The following WNT3A variants were observed in gnomAD, a reference collection of about 807,000 sequenced individuals.
WNT3A encodes the protein Wnt family member 3A, also known as protein Wnt-3a.
Under a neutral mutation model 37.0 loss-of-function variants are expected in WNT3A, and 17 were observed. The observed-to-expected ratio is 0.46, with a 90% CI of 0.31 to 0.69. The LOEUF (loss-of-function observed/expected upper bound fraction) is 0.69. Ranked by LOEUF, WNT3A falls within the 30% of genes least tolerant of loss-of-function variation. The probability of loss-of-function intolerance (pLI) is 0.05; values close to 1 mark genes in which losing one functional copy is unlikely to be tolerated. For missense variants in WNT3A, 411 were observed against 510.2 expected (o/e 0.81, Z 1.87); for synonymous variants, 187 against 211.0 (o/e 0.89, Z 0.99).
chr1:228,020,841 G>A (rs745901759), intron 1 of WNT3A, among the ~76,000 whole-genome samples: 2 of 152,088 alleles, frequency 1.3e-5, no homozygotes, highest in Non-Finnish European at 2.9e-5. Flanking sequence ...CAGGAGGGAG[G>A]GTGACTAGGG....
At position 228,037,696 on chromosome 1, in the gene WNT3A, G is replaced by C. The variant is rs1054412702; in HGVS notation, c.314-12960G>C. Among the ~76,000 whole-genome samples, 2 of 152,152 alleles carry C rather than the reference G, an allele frequency of 1.3e-5. No homozygotes were observed. Among genetic ancestry groups the C allele is most frequent in the Admixed American group, 1.3e-4 (2 of 15,292 alleles). The stretch of plus-strand genomic sequence containing the variant: ...GGTGGGGGGCTCCCCTGGCTCCAGC[G>C]GCCTCTCTGGTATATCATTAACTCT... On this transcript the variant is annotated intron_variant, in intron 2 of 3. Coordinates refer to ENST00000284523, the MANE Select transcript of WNT3A (RefSeq NM_033131.4). This position sits in a 1 kb window ranked among gnomAD's most constrained non-coding sequence, Gnocchi z 4.1.
chr1:228,060,109 T>C lies in WNT3A; in HGVS notation c.*644T>C, dbSNP rs1460645075. On this transcript the variant is annotated 3_prime_UTR_variant, in exon 4 of 4. Coordinates refer to ENST00000284523, the MANE Select transcript of WNT3A (RefSeq NM_033131.4). Reference sequence around the variant, plus strand: ...GGCTCCTTCCTGTGGGTGGGGCTTCTCTGGGACCAGGCTCCAATGGGGCGG... The same window carrying C: ...GGCTCCTTCCTGTGGGTGGGGCTTCCCTGGGACCAGGCTCCAATGGGGCGG... The C allele has an allele frequency of 1.5e-6, 2 of 1,292,460 alleles. No homozygotes were observed. Among genetic ancestry groups the C allele is most frequent in the Non-Finnish European group, 2.0e-6 (2 of 991,794 alleles). 80.1% of individuals were successfully genotyped at this position (1,292,460 alleles called of 1,614,324 possible). A position where few individuals can be genotyped will look rare whatever the true frequency, so the allele number is the denominator to read the frequency against.
chr1:228,060,412 G>A lies in WNT3A; in HGVS notation c.*947G>A, dbSNP rs577773195. ...CGACGCCTGTGCCACCCCTTCCTCAGCCTGGGGTTTGACCACCCACCTGAC... is the reference window on the plus strand; with the variant it reads ...CGACGCCTGTGCCACCCCTTCCTCAACCTGGGGTTTGACCACCCACCTGAC... On this transcript the variant is annotated 3_prime_UTR_variant, in exon 4 of 4. Transcript: ENST00000284523. The A allele has an allele frequency of 7.2e-4, 632 of 878,532 alleles. 15 individuals carry two copies. The South Asian group carries it at 8.8e-3, about 12-fold the overall frequency. 54.4% of individuals were successfully genotyped at this position (878,532 alleles called of 1,614,324 possible).
intron 2 of WNT3A, among the ~76,000 whole-genome samples, chr1:228,026,169 C>T (rs906744620): frequency 6.6e-6 from 1 of 151,768 alleles, no homozygotes; most frequent in African/African-American, 2.4e-5. Context: ...TCAACTGTAA[C>T]CCTGCTTAAT....
At chr1:228,057,480 C>A (rs1229553218) in intron 3 of WNT3A, among the ~76,000 whole-genome samples, 1 of 152,074 alleles carries the variant, frequency 6.6e-6, no homozygotes, top group Non-Finnish European at 1.5e-5. Context: ...CAAGTAAGCA[C>A]CTATATAACT....
chr1:228,046,372 T>G (rs1009416624), intron 2 of WNT3A, among the ~76,000 whole-genome samples: 2 of 151,744 alleles, frequency 1.3e-5, no homozygotes, highest in African/African-American at 4.8e-5. Flanking sequence ...GTTGTGAATG[T>G]ATATGTGCAT....
At chr1:228,055,165 AAAAAAAAAAAAAAAATAT>A (rs1558296004) in intron 3 of WNT3A, among the ~76,000 whole-genome samples, 1 of 56,424 alleles carries the variant, frequency 1.8e-5, no homozygotes, top group Non-Finnish European at 3.1e-5. Flanking sequence ...TCCCAAAAAA[AAAAAAAAAAAAAAAATAT>A]ATATATATAT....
At chr1:228,018,940 C>T (rs1230973844) in intron 1 of WNT3A, among the ~76,000 whole-genome samples, 1 of 152,182 alleles carries the variant, frequency 6.6e-6, no homozygotes, top group Non-Finnish European at 1.5e-5. Flanking sequence ...CCCTCTGGTC[C>T]ACAGGAGGCA....
At chr1:228,034,343 G>A (rs1288667238) in intron 2 of WNT3A, among the ~76,000 whole-genome samples, 1 of 152,170 alleles carries the variant, frequency 6.6e-6, no homozygotes, top group Non-Finnish European at 1.5e-5. Flanking sequence ...TAACCTTGCT[G>A]GAGTTGTTGA....
chr1:228,022,776 G>C lies in WNT3A; in HGVS notation c.181G>C (p.Glu61Gln). The change falls in exon 2 of 4, where the codon GAG (glutamate) becomes CAG (glutamine). Residue 61 changes from glutamate to glutamine, a missense_variant. By Grantham distance (29) the Glu-to-Gln change is conservative. Transcript: ENST00000284523. ...KQLRFCRNYV[E>Q]IMPSVAEGIK... ...GCTCCGCTTCTGCAGGAACTACGTG[G>C]AGATCATGCCCAGCGTGGCCGAGGG... 1 of 1,614,200 alleles carries C rather than the reference G, an allele frequency of 6.2e-7. No homozygotes were observed. The highest frequency in any genetic ancestry group is 8.5e-7 in the Non-Finnish European group (1 of 1,180,044).
chr1:228,048,321 CAG>C, intron 2 of WNT3A, among the ~76,000 whole-genome samples: 1 of 152,206 alleles, frequency 6.6e-6, no homozygotes, highest in Non-Finnish European at 1.5e-5. Context: ...ACAACAGAAG[CAG>C]AGACATGGAG....
Position 228,008,324 on chromosome 1 carries a change from G to T in WNT3A, c.71+1125G>T, listed in dbSNP as rs571756090. 6.6e-6 allele frequency among the ~76,000 whole-genome samples: 1 copy of T among 152,206 alleles called. No homozygotes were observed. The highest frequency in any genetic ancestry group is 2.4e-5 in the African/African-American group (1 of 41,450). Reference sequence around the variant, plus strand: ...AGCCTGGAATTATAATAATTACGCCGAGGGGAAGGGGGGAGACCCAGCGAG... The same window carrying T: ...AGCCTGGAATTATAATAATTACGCCTAGGGGAAGGGGGGAGACCCAGCGAG... On this transcript the variant is annotated intron_variant, in intron 1 of 3. Coordinates refer to ENST00000284523, the MANE Select transcript of WNT3A (RefSeq NM_033131.4). The surrounding 1 kb of genome is among the most constrained non-coding windows in gnomAD (Gnocchi z 4.9).
At chr1:228,058,249 C>T (rs912349112) in intron 3 of WNT3A, among the ~76,000 whole-genome samples, 12 of 152,220 alleles carry the variant, frequency 7.9e-5, no homozygotes, top group Non-Finnish European at 1.6e-4. Context: ...GCAGTTGGCA[C>T]GTATAGCATT....
At chr1:228,049,335 C>A (rs1242912341) in intron 2 of WNT3A, among the ~76,000 whole-genome samples, 2 of 152,136 alleles carry the variant, frequency 1.3e-5, no homozygotes, top group African/African-American at 2.4e-5. Context: ...TTTTACCTGC[C>A]TTCGTTCAGT....
At chr1:228,018,262 C>A (rs2030588876) in intron 1 of WNT3A, among the ~76,000 whole-genome samples, 2 of 152,172 alleles carry the variant, frequency 1.3e-5, no homozygotes, top group Admixed American at 1.3e-4. Context: ...GCAAGCCTGG[C>A]CCACAGGGTG....
intron 3 of WNT3A, among the ~76,000 whole-genome samples, chr1:228,052,399 C>T (rs2102780527): frequency 6.6e-6 from 1 of 152,330 alleles, no homozygotes; most frequent in Admixed American, 6.5e-5. Context: ...CCACCTCGGC[C>T]TCCCAAAGTG....
Position 228,008,662 on chromosome 1 carries a change from C to T in WNT3A, c.71+1463C>T, listed in dbSNP as rs1487901506. ...CCAGACGGCCGCAGGGAGCCAGGGG[C>T]AGCGCGTCCGTCCGAGAGAGCCCCG... On this transcript the variant is annotated intron_variant, in intron 1 of 3. Transcript: ENST00000284523. The surrounding 1 kb of genome is among the most constrained non-coding windows in gnomAD (Gnocchi z 4.9). Among the ~76,000 whole-genome samples the T allele has an allele frequency of 6.6e-6, 1 of 152,168 alleles. No individual in the cohort carries two copies. The highest frequency in any genetic ancestry group is 1.9e-4 in the East Asian group (1 of 5,166).
chr1:228,022,574 T>C, intron 1 of WNT3A, 93 bp from the exon 2 acceptor site: 1 of 1,443,556 alleles, frequency 6.9e-7, no homozygotes, highest in Admixed American at 2.3e-5. Flanking sequence ...GCCCCCCGAA[T>C]GCACTTGAGG....
Position 228,059,211 on chromosome 1 carries a change from C to A in WNT3A, c.805C>A (p.Arg269Ser), listed in dbSNP as rs1451915997. 1.9e-6 allele frequency: 3 copies of A among 1,611,664 alleles called. No individual in the cohort carries two copies. The highest frequency in any genetic ancestry group is 1.7e-5 in the Admixed American group (1 of 59,962). ...RYTYFKVPTE[R>S]DLVYYEASPN... ...CACCTACTTCAAGGTGCCCACGGAG[C>A]GCGACCTGGTCTACTACGAGGCCTC... The change falls in exon 4 of 4, where the codon CGC (arginine) becomes AGC (serine). Residue 269 changes from arginine (R) to serine (S), a missense_variant. By Grantham distance (110) the Arg-to-Ser change is moderately radical. Coordinates refer to ENST00000284523, the MANE Select transcript of WNT3A (RefSeq NM_033131.4).
Sources: gnomAD v4.1 joint callset for allele counts (sites outside exome capture counted in the v4.1 genomes callset) on GRCh38, gnomAD v4.1.1 for gene constraint, Gnocchi (gnomAD v3.1) non-coding constraint, MANE v1.5 for transcripts, NCBI Gene and HGNC (gene_info 2026-07-23, HGNC 2026-07-21) for gene names.